Variants in ZFPM2 observed in about 807,000 individuals in gnomAD.
ZFPM2 encodes the protein zinc finger protein, FOG family member 2.
A neutral mutation model predicts 98.6 loss-of-function variants in ZFPM2; 20 were observed. That is an observed-to-expected ratio of 0.20 (90% confidence interval 0.14 to 0.29). The LOEUF is 0.29. Ranked by LOEUF, ZFPM2 falls within the 10% of genes least tolerant of loss-of-function variation. The pLI, the probability that ZFPM2 is intolerant of heterozygous loss-of-function variation, is 1.00. For synonymous variants in ZFPM2, 518 were observed against 502.7 expected (o/e 1.03, Z -0.41); for missense variants, 1,310 against 1,388.6 (o/e 0.94, Z 0.90).
intron 3 of ZFPM2, among the ~76,000 whole-genome samples, chr8:105,485,021 A>G (rs13273677): frequency 0.086 from 13,118 of 152,282 alleles, 674 homozygotes; most frequent in South Asian, 0.15. Flanking sequence ...CAGGAAGAAC[A>G]TGTGTAATTT....
chr8:105,727,179 A>G (rs1045091157), intron 5 of ZFPM2, among the ~76,000 whole-genome samples: 2 of 151,046 alleles, frequency 1.3e-5, no homozygotes, highest in South Asian at 2.1e-4. Context: ...TAAGAACAGC[A>G]TAATTGCTGG....
chr8:105,329,620 T>G (rs992127144), intron 1 of ZFPM2, among the ~76,000 whole-genome samples: 14 of 151,968 alleles, frequency 9.2e-5, no homozygotes, highest in Non-Finnish European at 1.9e-4. Flanking sequence ...AAATTTAAAC[T>G]TTTTGAAGAA....
chr8:105,627,273 A>G (rs1816676496), intron 4 of ZFPM2, among the ~76,000 whole-genome samples: 1 of 152,154 alleles, frequency 6.6e-6, no homozygotes, highest in African/African-American at 2.4e-5. Context: ...ATTATTCCTA[A>G]GAAATGACAC....
At chr8:105,695,315 T>A (rs1397841524) in intron 5 of ZFPM2, among the ~76,000 whole-genome samples, 1 of 151,710 alleles carries the variant, frequency 6.6e-6, no homozygotes, top group Non-Finnish European at 1.5e-5. Flanking sequence ...CAGCAGTGTC[T>A]TCGCAGATTA....
intron 5 of ZFPM2, among the ~76,000 whole-genome samples, chr8:105,715,753 T>C (rs947370158): frequency 6.6e-6 from 1 of 152,020 alleles, no homozygotes. Context: ...TGTTTTCATA[T>C]TTTATAAATA....
chr8:105,678,364 A>G (rs1203995407), intron 5 of ZFPM2: 3 of 152,172 alleles, frequency 2.0e-5, no homozygotes, highest in South Asian at 2.1e-4. Flanking sequence ...TGCCTCATCA[A>G]TTGCCCCTGT....
At chr8:105,766,597 G>A (rs1193212368) in intron 5 of ZFPM2, among the ~76,000 whole-genome samples, 4 of 151,838 alleles carry the variant, frequency 2.6e-5, no homozygotes, top group African/African-American at 9.7e-5. Flanking sequence ...CACTAGAGGT[G>A]AAGGAAAGGA....
intron 5 of ZFPM2, among the ~76,000 whole-genome samples, chr8:105,781,670 C>T (rs1361038390): frequency 1.3e-5 from 2 of 152,006 alleles, no homozygotes; most frequent in Admixed American, 6.6e-5. Context: ...GTGAGCTGAG[C>T]GGTGACTGCC....
Position 105,801,036 on chromosome 8 carries a change from T to TGTC in ZFPM2, c.965-10_965-8dup. ...TGTTTCTCATTGTTCTTATTTTGTA[T>TGTC]GTCTCTCTAGGAGTGAAAATGGAAG... is the stretch of plus-strand genomic sequence containing the variant. On this transcript the variant is annotated splice_polypyrimidine_tract_variant and intron_variant, in intron 7 of 7. Coordinates refer to ENST00000407775, the MANE Select transcript of ZFPM2 (RefSeq NM_012082.4). 1 of 1,595,662 alleles carries TGTC rather than the reference T, an allele frequency of 6.3e-7. No homozygotes were observed. The highest frequency in any genetic ancestry group is 2.2e-5 in the East Asian group (1 of 44,544).
rs532019238 is a variant in ZFPM2, at chr8:105,420,155, T to G, written c.199+853T>G. On this transcript the variant is annotated intron_variant, in intron 2 of 7. Transcript: ENST00000407775. ...TATGTTTCTGTATGTCTGTCTGTGT[T>G]TGTGTATGCACCATTTTTATTCAGA... Among the ~76,000 whole-genome samples the G allele has an allele frequency of 1.2e-3, 179 of 152,312 alleles. 2 individuals carry two copies. Among genetic ancestry groups the G allele is most frequent in the Non-Finnish European group, 1.4e-3 (94 of 68,004 alleles).
chr8:105,468,706 A>T, intron 3 of ZFPM2, among the ~76,000 whole-genome samples: 1 of 152,190 alleles, frequency 6.6e-6, no homozygotes, highest in East Asian at 1.9e-4. Flanking sequence ...GTGAGCATTT[A>T]TTATGCATAT....
At chr8:105,542,692 C>T (rs1392827968) in intron 3 of ZFPM2, among the ~76,000 whole-genome samples, 1 of 151,992 alleles carries the variant, frequency 6.6e-6, no homozygotes, top group Non-Finnish European at 1.5e-5. Context: ...GGAACGTATC[C>T]CCCATGGACA....
At chr8:105,734,518 T>A (rs1563541808) in intron 5 of ZFPM2, among the ~76,000 whole-genome samples, 1 of 151,934 alleles carries the variant, frequency 6.6e-6, no homozygotes, top group Non-Finnish European at 1.5e-5. Context: ...ACGAGATGGT[T>A]AATTCCTCCA....
intron 1 of ZFPM2, among the ~76,000 whole-genome samples, chr8:105,410,406 G>T (rs1377841123): frequency 6.6e-6 from 1 of 151,772 alleles, no homozygotes; most frequent in Non-Finnish European, 1.5e-5. Flanking sequence ...GTGTTGTTTG[G>T]CTACTGCTTC....
intron 4 of ZFPM2, among the ~76,000 whole-genome samples, chr8:105,608,476 A>G (rs1816240125): frequency 6.6e-6 from 1 of 152,082 alleles, no homozygotes; most frequent in Non-Finnish European, 1.5e-5. Flanking sequence ...CCAAAAATGT[A>G]ATTCATTAAT....
chr8:105,746,347 G>T (rs1812344244), intron 5 of ZFPM2, among the ~76,000 whole-genome samples: 1 of 151,910 alleles, frequency 6.6e-6, no homozygotes, highest in African/African-American at 2.4e-5. Context: ...AGGGATATTT[G>T]AATAAAATAT....
chr8:105,527,001 A>G (rs1457593899), intron 3 of ZFPM2, among the ~76,000 whole-genome samples: 2 of 152,108 alleles, frequency 1.3e-5, no homozygotes, highest in African/African-American at 4.8e-5. Flanking sequence ...TAGTAATAGC[A>G]GCATGTATTT....
At chr8:105,676,444 T>C (rs1055108334) in intron 5 of ZFPM2, among the ~76,000 whole-genome samples, 1 of 152,154 alleles carries the variant, frequency 6.6e-6, no homozygotes, top group African/African-American at 2.4e-5. Context: ...TCCTAAAACT[T>C]CAGTTTTATT....
At chr8:105,515,455 C>T (rs1813899178) in intron 3 of ZFPM2, among the ~76,000 whole-genome samples, 1 of 152,194 alleles carries the variant, frequency 6.6e-6, no homozygotes, top group Non-Finnish European at 1.5e-5. Context: ...AGATTAAAAG[C>T]TCCAGGGAAC....
Sources: allele counts gnomAD v4.1 joint callset (sites outside exome capture counted in the v4.1 genomes callset), GRCh38; gene constraint gnomAD v4.1.1; transcripts MANE v1.5; gene names NCBI Gene and HGNC (gene_info 2026-07-23, HGNC 2026-07-21).